ANKRD13A: variants seen among roughly 807,000 people sequenced by gnomAD.
ANKRD13A encodes ankyrin repeat domain-containing protein 13A.
In ANKRD13A, 48 loss-of-function variants were observed where a neutral mutation model predicts 81.3. That is an observed-to-expected ratio of 0.59 (90% confidence interval 0.47 to 0.75). The LOEUF is 0.75. ANKRD13A is among the 30% of genes least tolerant of loss of function. ANKRD13A has a pLI of 0.00. For missense variants in ANKRD13A, 612 were observed against 734.0 expected (o/e 0.83, Z 1.92); for synonymous variants, 230 against 270.1 (o/e 0.85, Z 1.45).
At chr12:110,021,051 T>G (rs910130135) in intron 6 of ANKRD13A, 1 of 443,896 alleles carries the variant, frequency 2.3e-6, no homozygotes, top group East Asian at 7.0e-5. Context: ...TGGGAAATGA[T>G]AGCATATTCC....
chr12:110,030,844 C>A, intron 12 of ANKRD13A, 86 bp downstream of exon 12: 1 of 797,006 alleles, frequency 1.3e-6, no homozygotes, highest in South Asian at 2.0e-5. Context: ...CCTGTAATCC[C>A]AGCACTTTGG....
Position 110,036,705 on chromosome 12 carries a change from G to A in ANKRD13A, c.1577+377G>A, listed in dbSNP as rs1892071804. Among the ~76,000 whole-genome samples the A allele has an allele frequency of 6.6e-6, 1 of 152,052 alleles. No individual in the cohort carries two copies. The highest frequency in any genetic ancestry group is 1.9e-4 in the East Asian group (1 of 5,172). Reference sequence around the variant, plus strand: ...GCGGAGCTTGCAGTGAGCCGAGATCGCGCCACTGCACTCCAGCCTGGGCGA... The same window carrying A: ...GCGGAGCTTGCAGTGAGCCGAGATCACGCCACTGCACTCCAGCCTGGGCGA... On this transcript the variant is annotated intron_variant, in intron 14 of 14. Coordinates refer to ENST00000261739, the MANE Select transcript of ANKRD13A (RefSeq NM_033121.2). This position sits in a 1 kb window ranked among gnomAD's most constrained non-coding sequence, Gnocchi z 4.6.
In ANKRD13A at chr12:110,018,227, T is replaced by TC; in HGVS notation, c.401-118_401-117insC. On this transcript the variant is annotated intron_variant, in intron 4 of 14. Coordinates refer to ENST00000261739, the MANE Select transcript of ANKRD13A (RefSeq NM_033121.2). This position sits in a 1 kb window ranked among gnomAD's most constrained non-coding sequence, Gnocchi z 4.4. Reference sequence around the variant, plus strand: ...AATATGAAAGCCAAGAAGTCCGTTGTTTGATGGTCACCATCTTGCCACTCC... The same window carrying TC: ...AATATGAAAGCCAAGAAGTCCGTTGTCTTGATGGTCACCATCTTGCCACTCC... 1 of 1,084,044 alleles carries TC rather than the reference T, an allele frequency of 9.2e-7. No individual in the cohort carries two copies. Among genetic ancestry groups the TC allele is most frequent in the South Asian group, 1.8e-5 (1 of 54,844 alleles). The allele number at this position is 1,084,044 out of a possible 1,614,324, so 67.2% of individuals were successfully genotyped here. A position where few individuals can be genotyped will look rare whatever the true frequency, so the allele number is the denominator to read the frequency against.
At chr12:110,001,252 A>G (rs1399675812) in intron 1 of ANKRD13A, among the ~76,000 whole-genome samples, 3 of 151,674 alleles carry the variant, frequency 2.0e-5, no homozygotes, top group Non-Finnish European at 4.4e-5. Flanking sequence ...AATTGGTGCT[A>G]TAATTGTCAA....
rs180911068 is a variant in ANKRD13A, at chr12:110,036,635, T to G, written c.1577+307T>G. ...GGCATGGTGCCAGGCACCTGTAGTC[T>G]CAGCTACTCGGGAGGCTGAGGCAGG... On this transcript the variant is annotated intron_variant, in intron 14 of 14. Coordinates refer to ENST00000261739, the MANE Select transcript of ANKRD13A (RefSeq NM_033121.2). This position sits in a 1 kb window ranked among gnomAD's most constrained non-coding sequence, Gnocchi z 4.6. 6.6e-6 allele frequency among the ~76,000 whole-genome samples: 1 copy of G among 152,054 alleles called. No individual in the cohort carries two copies. The highest frequency in any genetic ancestry group is 1.9e-4 in the East Asian group (1 of 5,152).
rs7970988 is a variant in ANKRD13A, at chr12:110,008,917, T to G, written c.97-3088T>G. On this transcript the variant is annotated intron_variant, in intron 1 of 14. Coordinates refer to ENST00000261739, the MANE Select transcript of ANKRD13A (RefSeq NM_033121.2). ...AACCCATCTGGGCCTGCATTTTTTTTGGTGGGCAGTTTTAAAATTACTAAT... is the reference window on the plus strand; with the variant it reads ...AACCCATCTGGGCCTGCATTTTTTTGGGTGGGCAGTTTTAAAATTACTAAT... Among the ~76,000 whole-genome samples, 1,395 of 152,252 alleles carry G rather than the reference T, an allele frequency of 9.2e-3. 31 individuals carry two copies. The highest frequency in any genetic ancestry group is 0.032 in the African/African-American group (1,323 of 41,540).
intron 5 of ANKRD13A, 109 bp from the exon 6 acceptor site, chr12:110,019,030 G>A: frequency 8.5e-7 from 1 of 1,180,920 alleles, no homozygotes; most frequent in East Asian, 2.4e-5. Flanking sequence ...TTACCAGATA[G>A]CACCTGGGAG....
At position 110,029,620 on chromosome 12, in the gene ANKRD13A, T is replaced by C; in HGVS notation, c.1219T>C (p.Phe407Leu). ...DFIKLEFPPG[F>L]PVKIEIPLFH... ...CATCAAATTGGAATTCCCACCTGGATTTCCTGTCAAAATAGGTACTGCTAA... is the reference window on the plus strand; with the variant it reads ...CATCAAATTGGAATTCCCACCTGGACTTCCTGTCAAAATAGGTACTGCTAA... The change falls in exon 11 of 15, where the codon TTT becomes CTT. Residue 407 changes from phenylalanine (F) to leucine (L), a missense_variant. Phe to Leu is a conservative substitution (Grantham distance 22). Coordinates refer to ENST00000261739, the MANE Select transcript of ANKRD13A (RefSeq NM_033121.2). The C allele has an allele frequency of 6.2e-7, 1 of 1,613,440 alleles. No homozygotes were observed. The highest frequency in any genetic ancestry group is 8.5e-7 in the Non-Finnish European group (1 of 1,179,370).
rs953698011 is a variant in ANKRD13A at position 110,038,922 on chromosome 12, A to G, written c.*1368A>G. The G allele has an allele frequency of 1.3e-5, 2 of 152,172 alleles. No homozygotes were observed. The highest frequency in any genetic ancestry group is 2.9e-5 in the Non-Finnish European group (2 of 68,036). The allele number at this position is 152,172 out of a possible 1,614,324, so 9.4% of individuals were successfully genotyped here. A position where few individuals can be genotyped will look rare whatever the true frequency, so the allele number is the denominator to read the frequency against. On this transcript the variant is annotated 3_prime_UTR_variant, in exon 15 of 15. Transcript: ENST00000261739. The stretch of plus-strand genomic sequence containing the variant: ...CAACACCCTCCTCCATTTTGCGTCT[A>G]TTTCTTCTATTGTGCTTCTTTGGGG...
At chr12:110,013,014 A>T (rs1890606912) in intron 2 of ANKRD13A, 111 bp from the exon 3 acceptor site, 1 of 1,143,952 alleles carries the variant, frequency 8.7e-7, no homozygotes, top group Admixed American at 2.3e-5. Context: ...GTTGGACTGC[A>T]GCCCTTTTCT....
intron 3 of ANKRD13A, 25 bp from the exon 4 acceptor site, chr12:110,016,363 T>C: frequency 6.3e-7 from 1 of 1,577,658 alleles, no homozygotes; most frequent in Non-Finnish European, 8.6e-7. Flanking sequence ...GGGTAATCTG[T>C]TTTAAACCTT....
chr12:110,036,152 T>C lies in ANKRD13A; in HGVS notation c.1510-109T>C. The C allele has an allele frequency of 4.9e-6, 5 of 1,023,614 alleles. No individual in the cohort carries two copies. The highest frequency in any genetic ancestry group is 7.7e-6 in the Non-Finnish European group (5 of 649,676). 63.4% of individuals were successfully genotyped at this position (1,023,614 alleles called of 1,614,324 possible). A position where few individuals can be genotyped will look rare whatever the true frequency, so the allele number is the denominator to read the frequency against. ...GCTTTTCACACAGCACTATTGATAA[T>C]GGTCATGGAAAGACTTTTAATTTGG... On this transcript the variant is annotated intron_variant, in intron 13 of 14. Transcript: ENST00000261739. The surrounding 1 kb of genome is among the most constrained non-coding windows in gnomAD (Gnocchi z 4.6).
chr12:110,037,548 C>A lies in ANKRD13A; in HGVS notation c.1767C>A (p.Asp589Glu). The A allele has an allele frequency of 2.5e-6, 4 of 1,612,858 alleles. No individual in the cohort carries two copies. The highest frequency in any genetic ancestry group is 3.4e-6 in the Non-Finnish European group (4 of 1,179,798). The change falls in exon 15 of 15, where the codon GAC becomes GAA. Residue 589 changes from aspartate (D) to glutamate (E), a missense_variant. By Grantham distance (45) the Asp-to-Glu change is conservative (BLOSUM62 2). Coordinates refer to ENST00000261739, the MANE Select transcript of ANKRD13A (RefSeq NM_033121.2). ...LQQVLQLSLT[D>E]K ...AAGTCTTACAGCTGTCACTCACTGA[C>A]AAATAGACCTTTCAGCCTGTGAGCC...
chr12:110,027,550 A>C (rs2137157140), intron 8 of ANKRD13A, 155 bp from the exon 9 acceptor site: 1 of 697,828 alleles, frequency 1.4e-6, no homozygotes, highest in East Asian at 2.5e-5. Flanking sequence ...ATAAAGGATA[A>C]ATTAGTTTAT....
intron 3 of ANKRD13A, among the ~76,000 whole-genome samples, chr12:110,015,682 GA>G (rs1483495396): frequency 1.3e-5 from 2 of 152,094 alleles, no homozygotes; most frequent in Non-Finnish European, 2.9e-5. Flanking sequence ...CAGTAGCTAG[GA>G]TTACAGGCGT....
chr12:110,025,005 T>C (rs555365502), intron 7 of ANKRD13A, among the ~76,000 whole-genome samples: 8 of 152,332 alleles, frequency 5.3e-5, no homozygotes, highest in Non-Finnish European at 1.0e-4. Flanking sequence ...AACCTTGTGT[T>C]CATACCTTTC....
chr12:110,004,001 A>G (rs188041102), intron 1 of ANKRD13A, among the ~76,000 whole-genome samples: 37 of 152,182 alleles, frequency 2.4e-4, no homozygotes, highest in Middle Eastern at 3.4e-3. Flanking sequence ...TGCTAAAAAT[A>G]TGAAAAATTA....
chr12:110,029,240 CAATT>C, intron 10 of ANKRD13A: 1 of 392,200 alleles, frequency 2.5e-6, no homozygotes, highest in Non-Finnish European at 4.6e-6. Flanking sequence ...TGCTTGCTGT[CAATT>C]AAGGCTTTGA....
At chr12:110,020,442 T>G (rs1327421997) in intron 6 of ANKRD13A, among the ~76,000 whole-genome samples, 1 of 152,234 alleles carries the variant, frequency 6.6e-6, no homozygotes, top group Non-Finnish European at 1.5e-5. Flanking sequence ...GCTGTGGAAT[T>G]AGGACATCTG....
Sources: allele counts gnomAD v4.1 joint callset (sites outside exome capture counted in the v4.1 genomes callset), GRCh38; gene constraint gnomAD v4.1.1; non-coding constraint Gnocchi (gnomAD v3.1); transcripts MANE v1.5; gene names NCBI Gene and HGNC (gene_info 2026-07-23, HGNC 2026-07-21).